The following GNB4 variants were observed in gnomAD, a reference collection of about 807,000 sequenced individuals.
GNB4 encodes the protein guanine nucleotide-binding protein subunit beta-4.
Under a neutral mutation model 45.2 loss-of-function variants are expected in GNB4, and 28 were observed. The ratio of observed to expected loss-of-function variants is 0.62; its 90% CI spans 0.46 to 0.85. GNB4 has a LOEUF of 0.85. GNB4 is among the 40% of genes least tolerant of loss of function. The probability of loss-of-function intolerance (pLI) is 0.00; values close to 1 mark genes in which losing one functional copy is unlikely to be tolerated. For missense variants in GNB4, 321 were observed against 425.4 expected, an observed-to-expected ratio of 0.75 and a Z score of 2.16; for synonymous variants, 132 against 143.7, an observed-to-expected ratio of 0.92 and a Z score of 0.58.
At chr3:179,493,468 T>C in the GNB4 span, among the ~76,000 whole-genome samples, 55,974 of 150,386 alleles carry the variant, frequency 0.37, 10,729 homozygotes, top group East Asian at 0.57. Flanking sequence ...ACAGCAGACT[T>C]GATCAAACAG....
chr3:179,414,536 T>G (rs1179690165), intron 6 of GNB4, among the ~76,000 whole-genome samples: 1 of 152,206 alleles, frequency 6.6e-6, no homozygotes, highest in Non-Finnish European at 1.5e-5. Context: ...TGTACCTTAA[T>G]GCATACTTTC....
At chr3:179,463,967 A>G in the GNB4 span, among the ~76,000 whole-genome samples, 1 of 152,266 alleles carries the variant, frequency 6.6e-6, no homozygotes, top group African/African-American at 2.4e-5. Flanking sequence ...CTAAAGGAAT[A>G]GATCTTAAAT....
At chr3:179,463,183 A>C in the GNB4 span, among the ~76,000 whole-genome samples, 2 of 152,142 alleles carry the variant, frequency 1.3e-5, no homozygotes, top group African/African-American at 4.8e-5. Context: ...AGTCACTCGA[A>C]ACAAAGCTCC....
the GNB4 span, among the ~76,000 whole-genome samples, chr3:179,470,059 T>C: frequency 6.6e-6 from 1 of 152,220 alleles, no homozygotes; most frequent in Non-Finnish European, 1.5e-5. Flanking sequence ...GCTGTGTTTG[T>C]GGTGATGCTG....
chr3:179,465,800 TTCTTCTTCTTC>T, the GNB4 span, among the ~76,000 whole-genome samples: 2 of 133,602 alleles, frequency 1.5e-5, no homozygotes, highest in South Asian at 2.3e-4. Flanking sequence ...AATTTTTTTC[TTCTTCTTCTTC>T]TTCTTCTTCT....
chr3:179,484,911 T>C, the GNB4 span, among the ~76,000 whole-genome samples: 1 of 151,502 alleles, frequency 6.6e-6, no homozygotes, highest in Non-Finnish European at 1.5e-5. Flanking sequence ...GTTGATCAGT[T>C]GACAAAAATT....
At chr3:179,508,031 A>G in the GNB4 span, among the ~76,000 whole-genome samples, 1 of 152,242 alleles carries the variant, frequency 6.6e-6, no homozygotes, top group African/African-American at 2.4e-5. Flanking sequence ...CACTGAGAAC[A>G]GAAACGGAAG....
chr3:179,405,075 A>G (rs1714423233), intron 9 of GNB4, 115 bp downstream of exon 9: 1 of 664,356 alleles, frequency 1.5e-6, no homozygotes, highest in Non-Finnish European at 2.5e-6. Flanking sequence ...GATGAGAACC[A>G]TCGGGTTACC....
rs9878652 is a variant in GNB4 at position 179,419,960 on chromosome 3, T to A, written c.97-455A>T. Among the ~76,000 whole-genome samples, 180 of 152,052 alleles carry A rather than the reference T, an allele frequency of 1.2e-3. 2 individuals carry two copies. Among genetic ancestry groups the A allele is most frequent in the African/African-American group, 4.2e-3 (173 of 41,520 alleles). ...AACATGAAGCCTTCCCAAGATTTTTTAAAAATATTAGTCTTCTTGACCCCT... is the reference window on the plus strand; with the variant it reads ...AACATGAAGCCTTCCCAAGATTTTTAAAAAATATTAGTCTTCTTGACCCCT... On this transcript the variant is annotated intron_variant, in intron 3 of 9. Transcript: ENST00000232564.
chr3:179,492,116 C>T, the GNB4 span, among the ~76,000 whole-genome samples: 43 of 152,204 alleles, frequency 2.8e-4, no homozygotes, highest in Non-Finnish European at 6.0e-4. Context: ...TTTGAGGCAC[C>T]AAGAGTGATA....
intron 1 of GNB4, among the ~76,000 whole-genome samples, chr3:179,434,643 C>T (rs898556443): frequency 2.6e-5 from 4 of 151,782 alleles, no homozygotes; most frequent in African/African-American, 9.7e-5. Flanking sequence ...ATTGCTTGAA[C>T]CTCGGAGGCA....
chr3:179,526,313 G>T, the GNB4 span, among the ~76,000 whole-genome samples: 24 of 152,248 alleles, frequency 1.6e-4, no homozygotes, highest in African/African-American at 5.5e-4. Flanking sequence ...GGTCACAGGG[G>T]ATATGATGGC....
chr3:179,437,958 G>A (rs941506596), intron 1 of GNB4: 1 of 152,248 alleles, frequency 6.6e-6, no homozygotes, highest in Non-Finnish European at 1.5e-5. Context: ...TGCAATCCCA[G>A]TGCTTTGGGA....
At chr3:179,466,115 A>G in the GNB4 span, among the ~76,000 whole-genome samples, 1 of 149,604 alleles carries the variant, frequency 6.7e-6, no homozygotes, top group African/African-American at 2.5e-5. Context: ...GGTTCGAACA[A>G]TTCTTGTGCC....
chr3:179,427,858 C>G, intron 1 of GNB4, among the ~76,000 whole-genome samples: 1 of 152,130 alleles, frequency 6.6e-6, no homozygotes, highest in East Asian at 1.9e-4. Context: ...TCTACCTGTC[C>G]TGGTCTCTTT....
the GNB4 span, among the ~76,000 whole-genome samples, chr3:179,461,390 G>T: frequency 6.6e-6 from 1 of 151,986 alleles, no homozygotes; most frequent in East Asian, 1.9e-4. Context: ...CCAGCTACTC[G>T]GGAGGCTGAG....
At chr3:179,514,974 T>C in the GNB4 span, among the ~76,000 whole-genome samples, 3 of 152,244 alleles carry the variant, frequency 2.0e-5, no homozygotes, top group Non-Finnish European at 2.9e-5. Context: ...ATCCTTTGTG[T>C]TCTTTCCTTC....
At chr3:179,509,188 C>T in the GNB4 span, among the ~76,000 whole-genome samples, 1 of 151,466 alleles carries the variant, frequency 6.6e-6, no homozygotes, top group East Asian at 1.9e-4. Flanking sequence ...CACACACACA[C>T]ACACACACAC....
the GNB4 span, chr3:179,464,479 T>C: frequency 8.3e-5 from 133 of 1,611,114 alleles, no homozygotes; most frequent in Admixed American, 2.2e-3. Flanking sequence ...GGAAGGAAAC[T>C]GGCCCAGCAG....
Sources: allele counts gnomAD v4.1 joint callset (sites outside exome capture counted in the v4.1 genomes callset), GRCh38; gene constraint gnomAD v4.1.1; transcripts MANE v1.5; gene names NCBI Gene and HGNC (gene_info 2026-07-23, HGNC 2026-07-21).